Variants in WDFY4 observed in about 807,000 individuals in gnomAD.
The protein encoded by WDFY4 is WDFY family member 4.
Under a neutral mutation model 351.9 loss-of-function variants are expected in WDFY4, and 169 were observed. The ratio of observed to expected loss-of-function variants is 0.48; its 90% CI spans 0.42 to 0.55. The LOEUF is 0.55. WDFY4 is among the 20% of genes least tolerant of loss of function. WDFY4 has a pLI of 0.00. For missense variants in WDFY4, 3,803 were observed against 3,935.6 expected, an observed-to-expected ratio of 0.97 and a Z score of 0.90; for synonymous variants, 1,622 against 1,574.6, an observed-to-expected ratio of 1.03 and a Z score of -0.71.
Position 48,862,919 on chromosome 10 carries a change from A to G in WDFY4, c.6664-4346A>G, listed in dbSNP as rs2069395342. 3.3e-5 allele frequency among the ~76,000 whole-genome samples: 5 copies of G among 152,324 alleles called. No individual in the cohort carries two copies. In the South Asian group the frequency reaches 1.0e-3, roughly 32 times the overall value. On this transcript the variant is annotated intron_variant, in intron 39 of 61. Transcript: ENST00000325239. ...AAGCAATCACTAATATACTTTCTCT[A>G]TAAACATTTCATATAAATGGAATCA...
At chr10:48,824,055 C>A in intron 35 of WDFY4, 1 of 985,406 alleles carries the variant, frequency 1.0e-6, no homozygotes, top group South Asian at 4.7e-5. Context: ...TCATGGAAGC[C>A]AAACAGATGT....
intron 12 of WDFY4, among the ~76,000 whole-genome samples, chr10:48,759,356 C>CT (rs2065431083): frequency 6.6e-6 from 1 of 152,180 alleles, no homozygotes; most frequent in South Asian, 2.1e-4. Context: ...TCCCTTCCTG[C>CT]TCTGTCTAGA....
At chr10:48,767,789 A>G (rs1365112423) in intron 13 of WDFY4, among the ~76,000 whole-genome samples, 2 of 152,188 alleles carry the variant, frequency 1.3e-5, no homozygotes, top group Non-Finnish European at 1.5e-5. Flanking sequence ...AAGGTCAGTA[A>G]TAGTCCCAAG....
In WDFY4 at chr10:48,969,384, C is replaced by G. The variant is rs1017268393; in HGVS notation, c.8769+136C>G. 4.5e-6 allele frequency: 5 copies of G among 1,105,126 alleles called. No individual in the cohort carries two copies. The East Asian group carries it at 1.0e-4, about 23-fold the overall frequency. The allele number at this position is 1,105,126 out of a possible 1,614,324, so 68.5% of individuals were successfully genotyped here. On this transcript the variant is annotated intron_variant, in intron 56 of 61. Transcript: ENST00000325239. ...CTACAAGGTGTGCTGCCAGCCTGGG[C>G]GGGAAAGGACTCAGTGACCATGCAA...
chr10:48,810,353 A>C (rs1047793994), intron 28 of WDFY4, among the ~76,000 whole-genome samples, 177 bp from the exon 29 acceptor site: 1 of 152,246 alleles, frequency 6.6e-6, no homozygotes, highest in African/African-American at 2.4e-5. Flanking sequence ...CATCATTTGC[A>C]CAACAATCTT....
chr10:48,910,685 A>G (rs1032609483), intron 47 of WDFY4, among the ~76,000 whole-genome samples: 8 of 152,146 alleles, frequency 5.3e-5, no homozygotes, highest in African/African-American at 1.4e-4. Flanking sequence ...CAATCCTGGT[A>G]AAGTTAAATG....
At chr10:48,814,103 G>A in intron 31 of WDFY4, 21 bp downstream of exon 31, 1 of 1,524,348 alleles carries the variant, frequency 6.6e-7, no homozygotes, top group Admixed American at 2.1e-5. Context: ...TTCCCCACAT[G>A]CTGCCCCGAG....
rs565938135 is a variant in WDFY4, at chr10:48,873,523, C to T, written c.6774C>T (p.Asn2258=). The part of the protein sequence containing the change: ...RRKCGNIKAA[N]AWARIQEQLF... ...AATGTGGCAACATCAAGGCAGCCAA[C>T]GCCTGGGCCAGGATCCAGGAGCAGC... The change falls in exon 41 of 62, where the codon AAC becomes AAT. Residue 2258 remains asparagine (N), a synonymous_variant. Transcript: ENST00000325239. 83 of 1,551,310 alleles carry T rather than the reference C, an allele frequency of 5.4e-5. No homozygotes were observed. In the Admixed American group the frequency reaches 7.3e-4, roughly 14 times the overall value.
chr10:48,810,642 C>G lies in WDFY4; in HGVS notation c.4951C>G (p.Leu1651Val). Residue 1651 changes from leucine to valine, a missense_variant, in exon 29 of 62, where the codon CTG (leucine) becomes GTG (valine). By Grantham distance (32) the Leu-to-Val change is conservative. Transcript: ENST00000325239. ...VLALKLLLYF[L>V]ASPSLRTRFR... ...GGCATTGAAGCTGCTGCTGTACTTT[C>G]TGGCAAGCCCCTCCCTCCGCACACG... 6.4e-7 allele frequency: 1 copy of G among 1,551,624 alleles called. No individual in the cohort carries two copies. Among genetic ancestry groups the G allele is most frequent in the South Asian group, 1.2e-5 (1 of 84,058 alleles).
In WDFY4 at chr10:48,966,548, C is replaced by G; in HGVS notation, c.8459C>G (p.Ala2820Gly). ...PKQLFTKPHP[A>G]RTAAGKPLPG... ...TAGCTCTTTACCAAACCTCACCCAG[C>G]CAGGACTGCAGCAGGGAAGCCTCTG... Residue 2820 changes from alanine to glycine, a missense_variant, in exon 55 of 62, where the codon GCC becomes GGC. By Grantham distance (60) the Ala-to-Gly change is moderately conservative. This residue lies in a region of WDFY4 where 3,054 missense variants were observed against 3,148.6 expected (regional missense o/e 0.97). Coordinates refer to ENST00000325239, the MANE Select transcript of WDFY4 (RefSeq NM_001394531.1). 6.4e-7 allele frequency: 1 copy of G among 1,552,130 alleles called. No individual in the cohort carries two copies. Among genetic ancestry groups the G allele is most frequent in the Non-Finnish European group, 8.7e-7 (1 of 1,147,060 alleles).
intron 47 of WDFY4, among the ~76,000 whole-genome samples, chr10:48,915,546 C>A (rs1172910963): frequency 6.6e-6 from 1 of 152,120 alleles, no homozygotes; most frequent in Non-Finnish European, 1.5e-5. Flanking sequence ...TACTTCATCA[C>A]CTGTACCTTT....
At chr10:48,945,141 C>T (rs1434688756) in intron 49 of WDFY4, among the ~76,000 whole-genome samples, 1 of 152,082 alleles carries the variant, frequency 6.6e-6, no homozygotes, top group Non-Finnish European at 1.5e-5. Context: ...TTTGGGAGGC[C>T]GAAGCAGGAG....
Position 48,774,556 on chromosome 10 carries a change from G to A in WDFY4, c.2652G>A (p.Gly884=). The A allele has an allele frequency of 6.4e-7, 1 of 1,551,612 alleles. No individual in the cohort carries two copies. The highest frequency in any genetic ancestry group is 8.7e-7 in the Non-Finnish European group (1 of 1,146,934). ...TCATGTGCGAAGCAGGCTTGCTTGGGACCCTCATGGCCTCCTGCCACAGGG... is the reference window on the plus strand; with the variant it reads ...TCATGTGCGAAGCAGGCTTGCTTGGAACCCTCATGGCCTCCTGCCACAGGG... The part of the protein sequence containing the change: ...RQVMCEAGLL[G]TLMASCHRAL... The change falls in exon 14 of 62, where the codon GGG becomes GGA. Residue 884 remains glycine (G), a synonymous_variant. Coordinates refer to ENST00000325239, the MANE Select transcript of WDFY4 (RefSeq NM_001394531.1).
In WDFY4 at chr10:48,811,598, C is replaced by T. The variant is rs41283273; in HGVS notation, c.5104C>T (p.Arg1702Cys). ...AAGCCCATGCCTGCTTCCTGGGTTC[C>T]GTGTCTTGAATGACTTTCTGGCCCA... Reference protein sequence around the residue: ...EQSPCLLPGFRVLNDFLAHHV... With the variant: ...EQSPCLLPGFCVLNDFLAHHV... The change falls in exon 30 of 62, where the codon CGT becomes TGT. Residue 1702 changes from arginine (R) to cysteine (C), a missense_variant. Transcript: ENST00000325239. 5.0e-5 allele frequency: 77 copies of T among 1,552,146 alleles called. No homozygotes were observed. In the East Asian group the frequency reaches 6.8e-4, roughly 14 times the overall value.
intron 19 of WDFY4, 150 bp downstream of exon 19, chr10:48,780,269 T>C: frequency 9.4e-7 from 1 of 1,062,026 alleles, no homozygotes; most frequent in Non-Finnish European, 1.3e-6. Flanking sequence ...TCTGCCTTAC[T>C]GTTCAGGAAA....
chr10:48,713,356 G>A (rs532888160), intron 2 of WDFY4, among the ~76,000 whole-genome samples: 1 of 152,190 alleles, frequency 6.6e-6, no homozygotes, highest in Non-Finnish European at 1.5e-5. Flanking sequence ...AGAACTTCCC[G>A]TTAGCCTGTT....
At chr10:48,916,871 ATGTGTGTGTG>A (rs55891907) in intron 47 of WDFY4, among the ~76,000 whole-genome samples, 2,076 of 149,364 alleles carry the variant, frequency 0.014, 26 homozygotes, top group African/African-American at 0.033. Flanking sequence ...CTTTAAAAAT[ATGTGTGTGTG>A]TGTGTGTGTG....
chr10:48,793,480 G>A (rs1300072495), intron 23 of WDFY4, among the ~76,000 whole-genome samples: 1 of 152,182 alleles, frequency 6.6e-6, no homozygotes. Context: ...GTATTATTTT[G>A]TTTTTGCTTT....
At chr10:48,908,664 A>C (rs1008382340) in intron 47 of WDFY4, among the ~76,000 whole-genome samples, 2 of 152,016 alleles carry the variant, frequency 1.3e-5, no homozygotes, top group Admixed American at 1.3e-4. Context: ...ATATTGATTC[A>C]CAGTTGCAAA....
Sources: allele counts gnomAD v4.1 joint callset (sites outside exome capture counted in the v4.1 genomes callset), GRCh38; gene constraint gnomAD v4.1.1; regional missense constraint gnomAD v4.1.1; transcripts MANE v1.5; gene names NCBI Gene and HGNC (gene_info 2026-07-23, HGNC 2026-07-21).